The following CLVS1 variants were observed in gnomAD, a reference collection of about 807,000 sequenced individuals.
CLVS1 encodes clavesin 1.
In CLVS1, 10 loss-of-function variants were observed where a neutral mutation model predicts 33.1. The ratio of observed to expected loss-of-function variants is 0.30; its 90% CI spans 0.19 to 0.51. CLVS1 has a LOEUF of 0.51. Among genes scored for constraint, CLVS1 ranks in the 20% least tolerant of loss-of-function variants. The pLI is 0.97. For synonymous variants in CLVS1, 163 were observed against 166.1 expected, an observed-to-expected ratio of 0.98 and a Z score of 0.14; for missense variants, 343 against 433.4, an observed-to-expected ratio of 0.79 and a Z score of 1.85.
rs913642955 is a variant in CLVS1 at position 61,262,124 on chromosome 8, T to C, written c.-151-37553T>C. 2.6e-5 allele frequency among the ~76,000 whole-genome samples: 4 copies of C among 152,028 alleles called. No homozygotes were observed. In the South Asian group the frequency reaches 8.3e-4, roughly 32 times the overall value. ...TTAAATGATCTGAAGTGATCTCTTC[T>C]CATTTCAGTCTCTCATGTAGTGGAC... On this transcript the variant is annotated intron_variant, in intron 2 of 2. Transcript: ENST00000522621.
chr8:61,404,600 GC>G (rs1441053521), intron 3 of CLVS1, among the ~76,000 whole-genome samples: 4 of 152,162 alleles, frequency 2.6e-5, no homozygotes, highest in African/African-American at 9.7e-5. Context: ...AAGACGCAAA[GC>G]CCCTTAAAGC....
chr8:61,219,241 T>C (rs150107100), intron 2 of CLVS1, among the ~76,000 whole-genome samples: 70 of 152,314 alleles, frequency 4.6e-4, no homozygotes, highest in Admixed American at 1.4e-3. Context: ...TACATAGGTA[T>C]ACATGTACCA....
the CLVS1 span, among the ~76,000 whole-genome samples, chr8:61,019,000 C>T: frequency 2.6e-4 from 39 of 152,306 alleles, no homozygotes; most frequent in Admixed American, 9.1e-4. Context: ...ACCTGCTTCC[C>T]GTGAAATTGC....
chr8:61,271,462 G>T (rs1487075027), intron 2 of CLVS1, among the ~76,000 whole-genome samples: 2 of 147,820 alleles, frequency 1.4e-5, no homozygotes, highest in African/African-American at 5.0e-5. Flanking sequence ...GAATAGGTGT[G>T]GTGTGGTGCT....
At chr8:61,072,601 C>T (rs1323432460) in intron 1 of CLVS1, among the ~76,000 whole-genome samples, 3 of 152,230 alleles carry the variant, frequency 2.0e-5, no homozygotes, top group Admixed American at 6.5e-5. Context: ...ATTACACTAA[C>T]AAAAATTTGA....
chr8:61,438,175 G>A (rs143530705), intron 3 of CLVS1, among the ~76,000 whole-genome samples: 13 of 152,086 alleles, frequency 8.5e-5, no homozygotes, highest in African/African-American at 2.7e-4. Flanking sequence ...CTCTCTGCTC[G>A]CACCCCCAAC....
intron 1 of CLVS1, among the ~76,000 whole-genome samples, chr8:61,074,401 A>C (rs1804864342): frequency 7.2e-6 from 1 of 139,680 alleles, no homozygotes; most frequent in Non-Finnish European, 1.5e-5. Context: ...TATATATGTT[A>C]TATATATATA....
chr8:60,970,184 G>C, the CLVS1 span, among the ~76,000 whole-genome samples: 6 of 152,298 alleles, frequency 3.9e-5, no homozygotes, highest in African/African-American at 1.4e-4. Context: ...GGTTTTCCAT[G>C]CACTTTTCAA....
chr8:61,324,562 G>A (rs946283478), intron 2 of CLVS1, among the ~76,000 whole-genome samples: 11 of 152,168 alleles, frequency 7.2e-5, no homozygotes, highest in African/African-American at 2.7e-4. Context: ...AAATGTGGAA[G>A]TGACTTTGGA....
chr8:61,007,662 C>A, the CLVS1 span, among the ~76,000 whole-genome samples: 2 of 152,202 alleles, frequency 1.3e-5, no homozygotes, highest in Non-Finnish European at 2.9e-5. Flanking sequence ...CAAGCAGCCA[C>A]CACGCTACTC....
At chr8:61,245,579 TG>T (rs1434554991) in intron 2 of CLVS1, among the ~76,000 whole-genome samples, 1 of 151,986 alleles carries the variant, frequency 6.6e-6, no homozygotes. Flanking sequence ...CCATTTATAT[TG>T]TATATAATTA....
chr8:61,420,057 C>T (rs960615411), intron 3 of CLVS1, among the ~76,000 whole-genome samples: 3 of 152,180 alleles, frequency 2.0e-5, no homozygotes, highest in Admixed American at 1.3e-4. Flanking sequence ...CAATAACTTT[C>T]CTCCCTTTTA....
At chr8:60,985,546 C>T in the CLVS1 span, among the ~76,000 whole-genome samples, 1 of 152,252 alleles carries the variant, frequency 6.6e-6, no homozygotes, top group East Asian at 1.9e-4. Flanking sequence ...ACACTACGCT[C>T]GTTCAGGTGG....
the CLVS1 span, among the ~76,000 whole-genome samples, chr8:61,033,043 A>G: frequency 7.2e-4 from 74 of 102,836 alleles, 2 homozygotes; most frequent in African/African-American, 2.3e-3. Flanking sequence ...GAAAGAAAGA[A>G]AGAAAAAGAA....
At chr8:61,272,659 G>A (rs867235487) in intron 2 of CLVS1, among the ~76,000 whole-genome samples, 179 of 147,392 alleles carry the variant, frequency 1.2e-3, no homozygotes, top group South Asian at 6.1e-3. Context: ...GTCTTTTCAC[G>A]TAGTCCCATA....
chr8:61,379,841 G>C (rs775882222), intron 3 of CLVS1, among the ~76,000 whole-genome samples: 5 of 152,140 alleles, frequency 3.3e-5, no homozygotes, highest in Non-Finnish European at 7.4e-5. Context: ...AGCATTTGCA[G>C]TTTGACTTAA....
At chr8:61,163,546 AGCTCCCAAGATGGTGGTGGGCT>A (rs1477072289) in intron 2 of CLVS1, among the ~76,000 whole-genome samples, 1 of 152,066 alleles carries the variant, frequency 6.6e-6, no homozygotes, top group East Asian at 1.9e-4. Context: ...TTGTTCTTAG[AGCTCCCAAGATGGTGGTGGGCT>A]GCTCCCAAGA....
At chr8:61,285,073 C>A (rs1323949194), upstream of CLVS1, among the ~76,000 whole-genome samples, 1 of 151,996 alleles carries the variant, frequency 6.6e-6, no homozygotes, top group Non-Finnish European at 1.5e-5. Context: ...TCCAAGGAAA[C>A]TATGAGATTG....
chr8:61,021,869 C>G, the CLVS1 span, among the ~76,000 whole-genome samples: 2 of 151,922 alleles, frequency 1.3e-5, no homozygotes, highest in Non-Finnish European at 1.5e-5. Flanking sequence ...GTTTTTCAGC[C>G]CTTTCCCCTC....
Sources: allele counts gnomAD v4.1 joint callset (sites outside exome capture counted in the v4.1 genomes callset), GRCh38; gene constraint gnomAD v4.1.1; transcripts MANE v1.5; gene names NCBI Gene and HGNC (gene_info 2026-07-23, HGNC 2026-07-21).